The following WDFY4 variants were observed in gnomAD, a reference collection of about 807,000 sequenced individuals.
WDFY4 encodes the protein WD repeat- and FYVE domain-containing protein 4.
In WDFY4, 169 loss-of-function variants were observed where a neutral mutation model predicts 351.9. The ratio of observed to expected loss-of-function variants is 0.48; its 90% CI spans 0.42 to 0.55. WDFY4 has a LOEUF of 0.55. Among genes scored for constraint, WDFY4 ranks in the 20% least tolerant of loss-of-function variants. The probability of loss-of-function intolerance (pLI) is 0.00; values close to 1 mark genes in which losing one functional copy is unlikely to be tolerated. For synonymous variants in WDFY4, 1,622 were observed against 1,574.6 expected (o/e 1.03, Z -0.71); for missense variants, 3,803 against 3,935.6 (o/e 0.97, Z 0.90).
rs543958575 is a variant in WDFY4 at position 48,689,807 on chromosome 10, G to A, written c.-18+4806G>A. Among the ~76,000 whole-genome samples, 18 of 152,334 alleles carry A rather than the reference G, an allele frequency of 1.2e-4. No homozygotes were observed. The East Asian group carries it at 2.1e-3, about 18-fold the overall frequency. On this transcript the variant is annotated intron_variant, in intron 1 of 61. Coordinates refer to ENST00000325239, the MANE Select transcript of WDFY4 (RefSeq NM_001394531.1). Reference sequence around the variant, plus strand: ...ATACAAGCTAATAATAATGGGTTTAGTACCTAAATAAACCAGGGACTTGTA... The same window carrying A: ...ATACAAGCTAATAATAATGGGTTTAATACCTAAATAAACCAGGGACTTGTA...
intron 1 of WDFY4, 89 bp from the exon 2 acceptor site, chr10:48,709,627 G>T: frequency 8.8e-7 from 1 of 1,134,758 alleles, no homozygotes; most frequent in Admixed American, 2.4e-5. Context: ...ATAGAAACTG[G>T]GCTGAGTGAG....
intron 43 of WDFY4, among the ~76,000 whole-genome samples, chr10:48,885,219 G>A (rs1229457605): frequency 2.0e-5 from 3 of 152,176 alleles, no homozygotes; most frequent in African/African-American, 7.2e-5. Context: ...TTCTGGGGAT[G>A]TAGCCTGGGA....
At chr10:48,969,019 T>C (rs1196528996) in intron 55 of WDFY4, 45 bp from the exon 56 acceptor site, 3 of 1,536,498 alleles carry the variant, frequency 2.0e-6, no homozygotes, top group Non-Finnish European at 2.6e-6. Context: ...CTGTAGTGGG[T>C]GCTGTTCTTC....
At chr10:48,941,978 C>T (rs571064828) in intron 48 of WDFY4, 130 bp downstream of exon 48, 2 of 928,730 alleles carry the variant, frequency 2.2e-6, no homozygotes, top group African/African-American at 3.8e-5. Flanking sequence ...ATTATTATTT[C>T]TTTGAGATGG....
chr10:48,800,020 G>A (rs1048480985), intron 24 of WDFY4, among the ~76,000 whole-genome samples: 1 of 152,096 alleles, frequency 6.6e-6, no homozygotes, highest in South Asian at 2.1e-4. Flanking sequence ...CGAGTAGCTG[G>A]GACTATAGGC....
intron 47 of WDFY4, among the ~76,000 whole-genome samples, chr10:48,913,178 C>A (rs554754053): frequency 6.6e-6 from 1 of 152,130 alleles, no homozygotes; most frequent in African/African-American, 2.4e-5. Flanking sequence ...AGTGTGTGTG[C>A]AGAGGACAGA....
intron 39 of WDFY4, among the ~76,000 whole-genome samples, chr10:48,861,905 G>T (rs1395725349): frequency 6.6e-6 from 1 of 152,028 alleles, no homozygotes; most frequent in Non-Finnish European, 1.5e-5. Flanking sequence ...TCTCACTGTT[G>T]TTCAGAATAG....
chr10:48,854,980 T>C (rs2069086948), intron 39 of WDFY4, among the ~76,000 whole-genome samples: 1 of 152,232 alleles, frequency 6.6e-6, no homozygotes, highest in Non-Finnish European at 1.5e-5. Flanking sequence ...ATGTCACTTG[T>C]AATGCTCATA....
At chr10:48,746,632 A>G (rs1304613587) in intron 12 of WDFY4, among the ~76,000 whole-genome samples, 1 of 152,082 alleles carries the variant, frequency 6.6e-6, no homozygotes, top group Non-Finnish European at 1.5e-5. Context: ...TTAAAAAAAA[A>G]CATTTTTGGT....
chr10:48,873,822 G>A (rs1379140692), intron 41 of WDFY4, 125 bp downstream of exon 41: 3 of 1,085,212 alleles, frequency 2.8e-6, no homozygotes, highest in Non-Finnish European at 3.9e-6. Flanking sequence ...TTAAATGTAG[G>A]AGAGTCCCAA....
At chr10:48,968,849 G>A (rs138084294) in intron 55 of WDFY4, 36 of 547,910 alleles carry the variant, frequency 6.6e-5, no homozygotes, top group Non-Finnish European at 1.1e-4. Flanking sequence ...CTCCTGCCCC[G>A]GGGCCCGGCT....
chr10:48,708,409 A>T (rs1233588183), intron 1 of WDFY4, among the ~76,000 whole-genome samples: 1 of 152,176 alleles, frequency 6.6e-6, no homozygotes, highest in Non-Finnish European at 1.5e-5. Flanking sequence ...AAACACTGGG[A>T]GCCCACTTCT....
intron 5 of WDFY4, 148 bp downstream of exon 5, chr10:48,723,715 C>T: frequency 8.8e-7 from 1 of 1,140,000 alleles, no homozygotes; most frequent in East Asian, 2.6e-5. Flanking sequence ...TCCCCCTCCC[C>T]TCCCCACCAC....
At chr10:48,727,260 G>A (rs1441612845) in intron 6 of WDFY4, among the ~76,000 whole-genome samples, 2 of 152,198 alleles carry the variant, frequency 1.3e-5, no homozygotes, top group Non-Finnish European at 2.9e-5. Context: ...TTCCTCTCCT[G>A]TGTCACCTGC....
At chr10:48,951,516 G>A (rs1459636525) in intron 51 of WDFY4, among the ~76,000 whole-genome samples, 1 of 152,196 alleles carries the variant, frequency 6.6e-6, no homozygotes, top group African/African-American at 2.4e-5. Context: ...CAGGGCTCGA[G>A]CAATTTTCCT....
chr10:48,853,470 A>G (rs531595669), intron 39 of WDFY4, among the ~76,000 whole-genome samples: 5 of 152,204 alleles, frequency 3.3e-5, no homozygotes, highest in Non-Finnish European at 7.4e-5. Context: ...CTACCAACTT[A>G]CTCTCCAGAT....
chr10:48,778,693 G>A lies in WDFY4; in HGVS notation c.3258G>A (p.Glu1086=), dbSNP rs774267089. The A allele has an allele frequency of 1.3e-6, 2 of 1,551,682 alleles. No individual in the cohort carries two copies. Among genetic ancestry groups the A allele is most frequent in the Non-Finnish European group, 1.7e-6 (2 of 1,147,018 alleles). ...TCAGCCGGCATGGAGCTGCCACTGA[G>A]GGCCACCCGCTGCGCTTCCTGACGT... The part of the protein sequence containing the change: ...FLISRHGAAT[E]GHPLRFLTLV... Residue 1086 remains glutamate (E), a synonymous_variant, in exon 18 of 62, where the codon GAG becomes GAA. Coordinates refer to ENST00000325239, the MANE Select transcript of WDFY4 (RefSeq NM_001394531.1).
intron 47 of WDFY4, among the ~76,000 whole-genome samples, chr10:48,917,767 AGAG>A (rs1838685420): frequency 1.3e-5 from 2 of 152,238 alleles, no homozygotes; most frequent in Admixed American, 1.3e-4. Flanking sequence ...AAACTATACT[AGAG>A]AGGAACTCCA....
chr10:48,915,744 T>C (rs993686032), intron 47 of WDFY4, among the ~76,000 whole-genome samples: 11 of 152,232 alleles, frequency 7.2e-5, no homozygotes, highest in African/African-American at 2.4e-4. Context: ...AAAGGCCTGA[T>C]GGATCACAGC....
Sources: gnomAD v4.1 joint callset for allele counts (sites outside exome capture counted in the v4.1 genomes callset) on GRCh38, gnomAD v4.1.1 for gene constraint, MANE v1.5 for transcripts, NCBI Gene and HGNC (gene_info 2026-07-23, HGNC 2026-07-21) for gene names.